The following RYR3 variants were observed in gnomAD, a reference collection of about 807,000 sequenced individuals.
RYR3 encodes ryanodine receptor 3.
In RYR3, 207 loss-of-function variants were observed where a neutral mutation model predicts 584.3. The ratio of observed to expected loss-of-function variants is 0.35; its 90% CI spans 0.32 to 0.40. RYR3 has a LOEUF of 0.40. RYR3 is among the 10% of genes least tolerant of loss of function. RYR3 has a pLI of 1.00. For missense variants in RYR3, 5,616 were observed against 6,089.2 expected (o/e 0.92, Z 2.59); for synonymous variants, 2,416 against 2,248.5 (o/e 1.07, Z -2.11).
chr15:33,775,802 G>A (rs1161920909), intron 64 of RYR3, among the ~76,000 whole-genome samples: 1 of 152,118 alleles, frequency 6.6e-6, no homozygotes, highest in African/African-American at 2.4e-5. Context: ...GTCTCCCGTG[G>A]CCTGCTCACA....
chr15:33,455,162 GGT>G (rs1386589656), intron 1 of RYR3, among the ~76,000 whole-genome samples: 3 of 152,238 alleles, frequency 2.0e-5, no homozygotes, highest in South Asian at 2.1e-4. Context: ...TCTCTCCATG[GGT>G]GTGTGGGTGA....
intron 3 of RYR3, among the ~76,000 whole-genome samples, chr15:33,514,648 A>C (rs767561589): frequency 1.1e-3 from 162 of 150,282 alleles, no homozygotes; most frequent in Non-Finnish European, 2.2e-3. Context: ...TTCATAGTTT[A>C]GTTTCTAAAG....
chr15:33,583,057 G>A (rs149155306), intron 14 of RYR3, among the ~76,000 whole-genome samples: 136 of 152,264 alleles, frequency 8.9e-4, no homozygotes, highest in African/African-American at 3.2e-3. Context: ...AGTATCATCT[G>A]CCAGTGGCTT....
chr15:33,349,567 G>A (rs566300495), intron 1 of RYR3, among the ~76,000 whole-genome samples: 3 of 147,882 alleles, frequency 2.0e-5, no homozygotes, highest in East Asian at 4.0e-4. Flanking sequence ...CCTCCCATTT[G>A]TGTACCTTCT....
At position 33,739,897 on chromosome 15, in the gene RYR3, A is replaced by G; in HGVS notation, c.7722A>G (p.Pro2574=). The change falls in exon 51 of 104, where the codon CCA becomes CCG. Residue 2574 remains proline, a synonymous_variant. Transcript: ENST00000634891. The stretch of plus-strand genomic sequence containing the variant: ...TCAGTGCTATAGCTGGGGCCTTGCC[A>G]CCAGATTATTTAGATACCAGAATCA... The part of the protein sequence containing the change: ...PCLSAIAGAL[P]PDYLDTRITA... 1.9e-6 allele frequency: 3 copies of G among 1,613,608 alleles called. No individual in the cohort carries two copies. Among genetic ancestry groups the G allele is most frequent in the Non-Finnish European group, 1.7e-6 (2 of 1,179,708 alleles).
chr15:33,785,680 C>T lies in RYR3; in HGVS notation c.9287C>T (p.Thr3096Met), dbSNP rs777925575. Residue 3096 changes from threonine to methionine, a missense_variant, in exon 66 of 104, where the codon ACG becomes ATG. By Grantham distance (81) the Thr-to-Met change is moderately conservative. This residue lies in a region of RYR3 where 954 missense variants were observed against 1,132.2 expected (regional missense o/e 0.84). Coordinates refer to ENST00000634891, the MANE Select transcript of RYR3 (RefSeq NM_001036.6). ...CAATCAGTTCTGGGGATGCCAGACACGGTAGAAGACATGTGTCCTGACATC... is the reference window on the plus strand; with the variant it reads ...CAATCAGTTCTGGGGATGCCAGACATGGTAGAAGACATGTGTCCTGACATC... Reference protein sequence around the residue: ...RERSILGMPDTVEDMCPDIPQ... With the variant: ...RERSILGMPDMVEDMCPDIPQ... 66 of 1,601,802 alleles carry T rather than the reference C, an allele frequency of 4.1e-5. No homozygotes were observed. In the East Asian group the frequency reaches 6.3e-4, roughly 15 times the overall value.
chr15:33,603,002 A>G, intron 17 of RYR3, 121 bp from the exon 18 acceptor site: 1 of 1,025,506 alleles, frequency 9.8e-7, no homozygotes, highest in Non-Finnish European at 1.5e-6. Flanking sequence ...GAGCAATATG[A>G]AATACACAGC....
At chr15:33,658,419 C>T (rs1191322634) in intron 32 of RYR3, among the ~76,000 whole-genome samples, 1 of 152,186 alleles carries the variant, frequency 6.6e-6, no homozygotes, top group Non-Finnish European at 1.5e-5. Flanking sequence ...TCTCTCCAGT[C>T]CACCAAGATG....
Position 33,818,746 on chromosome 15 carries a change from CCTT to C in RYR3, c.10706+68_10706+70del, listed in dbSNP as rs1285601168. 6.6e-6 allele frequency: 8 copies of C among 1,209,024 alleles called. No individual in the cohort carries two copies. The East Asian group carries it at 1.4e-4, about 22-fold the overall frequency. The allele number at this position is 1,209,024 out of a possible 1,614,324, so 74.9% of individuals were successfully genotyped here. A position where few individuals can be genotyped will look rare whatever the true frequency, so the allele number is the denominator to read the frequency against. On this transcript the variant is annotated intron_variant, in intron 76 of 103. Coordinates refer to ENST00000634891, the MANE Select transcript of RYR3 (RefSeq NM_001036.6). ...CAGGGATACTTGTGTCCACTCCTGA[CCTT>C]CTTCTCTCAGACGGCAGTGGGTGGA...
intron 10 of RYR3, among the ~76,000 whole-genome samples, 178 bp downstream of exon 10, chr15:33,550,494 G>A (rs1470723783): frequency 6.6e-6 from 1 of 152,214 alleles, no homozygotes; most frequent in Non-Finnish European, 1.5e-5. Context: ...GGAGGAATAT[G>A]TACCTTGGAT....
intron 1 of RYR3, among the ~76,000 whole-genome samples, chr15:33,364,383 A>G (rs1482902489): frequency 6.6e-6 from 1 of 152,166 alleles, no homozygotes; most frequent in Non-Finnish European, 1.5e-5. Context: ...AAGTGATTAT[A>G]TTTTACTGAG....
chr15:33,753,608 C>A (rs747995166), intron 57 of RYR3, among the ~76,000 whole-genome samples: 2 of 152,066 alleles, frequency 1.3e-5, no homozygotes, highest in Non-Finnish European at 2.9e-5. Context: ...GCTGCTGTTT[C>A]TTCTAGTTTC....
At chr15:33,499,601 TTAAA>T (rs1270760310) in intron 2 of RYR3, among the ~76,000 whole-genome samples, 1 of 152,216 alleles carries the variant, frequency 6.6e-6, no homozygotes, top group Non-Finnish European at 1.5e-5. Context: ...TTGACATTTG[TTAAA>T]TATTTACTGT....
intron 69 of RYR3, among the ~76,000 whole-genome samples, chr15:33,803,759 C>T (rs997438912): frequency 6.6e-6 from 1 of 152,226 alleles, no homozygotes; most frequent in African/African-American, 2.4e-5. Flanking sequence ...AAGTGATCCA[C>T]CCACCTCATC....
At chr15:33,518,705 T>G (rs2053732805) in intron 3 of RYR3, among the ~76,000 whole-genome samples, 1 of 152,316 alleles carries the variant, frequency 6.6e-6, no homozygotes, top group Admixed American at 6.5e-5. Context: ...GGAGTTTTTT[T>G]GTTTAACTTT....
intron 1 of RYR3, among the ~76,000 whole-genome samples, chr15:33,452,939 GTC>G (rs1458151062): frequency 2.6e-5 from 4 of 152,192 alleles, no homozygotes; most frequent in African/African-American, 9.6e-5. Flanking sequence ...TGGAGGCTCA[GTC>G]TCTGAATGTT....
chr15:33,532,371 AGGTCATGGGACCTTCTGTCCCAT>A (rs532709678), intron 4 of RYR3, among the ~76,000 whole-genome samples: 89 of 152,234 alleles, frequency 5.8e-4, no homozygotes, highest in East Asian at 4.6e-3. Context: ...CAAAAACAGA[AGGTCATGGGACCTTCTGTCCCAT>A]GGTCATGGGA....
chr15:33,858,690 A>AG (rs1190095599), intron 99 of RYR3: 2 of 139,216 alleles, frequency 1.4e-5, no homozygotes, highest in African/African-American at 5.0e-5. Flanking sequence ...GGAGGTGGGG[A>AG]GGGGGAGTCC....
intron 38 of RYR3, among the ~76,000 whole-genome samples, chr15:33,687,123 A>G (rs1356169862): frequency 6.6e-6 from 1 of 152,224 alleles, no homozygotes; most frequent in Non-Finnish European, 1.5e-5. Context: ...GAGGAAGTCA[A>G]ATTGTCCCTG....
Sources: gnomAD v4.1 joint callset for allele counts (sites outside exome capture counted in the v4.1 genomes callset) on GRCh38, gnomAD v4.1.1 for gene constraint, gnomAD v4.1.1 regional missense constraint, MANE v1.5 for transcripts, NCBI Gene and HGNC (gene_info 2026-07-23, HGNC 2026-07-21) for gene names.